The following DNAH11 variants were observed in gnomAD, a reference collection of about 807,000 sequenced individuals.
The protein encoded by DNAH11 is axonemal beta dynein heavy chain 11.
DNAH11 carries 442 observed loss-of-function variants against 526.0 expected under a neutral mutation model. The observed-to-expected ratio is 0.84, with a 90% confidence interval of 0.78 to 0.91. DNAH11 has a LOEUF of 0.91. Ranked by LOEUF, DNAH11 falls within the 40% of genes least tolerant of loss-of-function variation. The probability of loss-of-function intolerance (pLI) is 0.00; values close to 1 mark genes in which losing one functional copy is unlikely to be tolerated. For synonymous variants in DNAH11, 2,461 were observed against 1,935.9 expected (o/e 1.27, Z -7.12); for missense variants, 6,989 against 5,448.7 (o/e 1.28, Z -8.90).
Position 21,563,456 on chromosome 7 carries a change from G to A in DNAH11, c.983-730G>A, listed in dbSNP as rs534983210. Among the ~76,000 whole-genome samples the A allele has an allele frequency of 1.0e-3, 159 of 152,066 alleles. 1 individual carries two copies. Among genetic ancestry groups the A allele is most frequent in the South Asian group, 9.2e-3 (44 of 4,804 alleles). ...ATTCCTAGACTCAACTAATCCTTCC[G>A]AAGTGCTGGGATTACAAACATGAAC... is the stretch of plus-strand genomic sequence containing the variant. On this transcript the variant is annotated intron_variant, in intron 5 of 81. Coordinates refer to ENST00000409508, the MANE Select transcript of DNAH11 (RefSeq NM_001277115.2).
chr7:21,729,089 G>A (rs779503803), intron 45 of DNAH11, among the ~76,000 whole-genome samples: 8 of 152,184 alleles, frequency 5.3e-5, no homozygotes, highest in Non-Finnish European at 8.8e-5. Context: ...TGTACCTTTC[G>A]GGCCGGCCAG....
At chr7:21,854,491 T>C (rs187974158) in intron 68 of DNAH11, 36 bp downstream of exon 68, 21 of 1,591,704 alleles carry the variant, frequency 1.3e-5, no homozygotes, top group African/African-American at 6.8e-5. Flanking sequence ...TGGGAAACTT[T>C]AGGAGTTCAA....
rs144458897 is a variant in DNAH11, at chr7:21,663,928, C to G, written c.5328+4897C>G. Among the ~76,000 whole-genome samples the G allele has an allele frequency of 4.6e-3, 697 of 152,060 alleles. 7 individuals carry two copies. Among genetic ancestry groups the G allele is most frequent in the African/African-American group, 0.016 (667 of 41,494 alleles). On this transcript the variant is annotated intron_variant, in intron 30 of 81. Coordinates refer to ENST00000409508, the MANE Select transcript of DNAH11 (RefSeq NM_001277115.2). ...TCTTCAACGTACTGATTTCAGTTCT[C>G]TGGTATATATCTCCATTAGTCAGAT...
chr7:21,799,572 G>A (rs1392524976), intron 61 of DNAH11, among the ~76,000 whole-genome samples: 2 of 152,000 alleles, frequency 1.3e-5, no homozygotes, highest in Non-Finnish European at 2.9e-5. Flanking sequence ...TCCTGACCTC[G>A]TGATCTGCCT....
At position 21,615,228 on chromosome 7, in the gene DNAH11, A is replaced by G; in HGVS notation, c.3967A>G (p.Ile1323Val). The G allele has an allele frequency of 6.2e-7, 1 of 1,613,612 alleles. No individual in the cohort carries two copies. Among genetic ancestry groups the G allele is most frequent in the Non-Finnish European group, 8.5e-7 (1 of 1,179,650 alleles). Residue 1323 changes from isoleucine to valine, a missense_variant, in exon 21 of 82, where the codon ATA (isoleucine) becomes GTA (valine). Coordinates refer to ENST00000409508, the MANE Select transcript of DNAH11 (RefSeq NM_001277115.2). ...ACAAATGAAACAGTGTCGCAAAGAA[A>G]TAAAATTGCTCAAGGGACTGTGGGA... ...YKQMKQCRKE[I>V]KLLKGLWDVI...
At chr7:21,899,708 A>G (rs1784677557) in intron 80 of DNAH11, among the ~76,000 whole-genome samples, 1 of 152,158 alleles carries the variant, frequency 6.6e-6, no homozygotes, top group Admixed American at 6.5e-5. Flanking sequence ...CATTTTCTGG[A>G]AAGGGCCACA....
At chr7:21,713,073 T>A (rs918626321) in intron 42 of DNAH11, among the ~76,000 whole-genome samples, 2 of 152,238 alleles carry the variant, frequency 1.3e-5, no homozygotes, top group African/African-American at 4.8e-5. Context: ...AGAGCAACTT[T>A]ATGGTGCCCA....
intron 55 of DNAH11, among the ~76,000 whole-genome samples, chr7:21,766,325 C>T (rs1787183761): frequency 6.6e-6 from 1 of 152,164 alleles, no homozygotes; most frequent in African/African-American, 2.4e-5. Context: ...ATGTCTAGTG[C>T]CTTTCTGATT....
intron 30 of DNAH11, among the ~76,000 whole-genome samples, chr7:21,678,644 G>A (rs1783006985): frequency 6.6e-6 from 1 of 151,798 alleles, no homozygotes; most frequent in Non-Finnish European, 1.5e-5. Context: ...AGAGAACTCT[G>A]GGCAGTACAG....
At chr7:21,606,807 C>G in intron 20 of DNAH11, 74 bp downstream of exon 20, 6 of 1,252,594 alleles carry the variant, frequency 4.8e-6, no homozygotes, top group South Asian at 1.3e-5. Context: ...ACACAAAATA[C>G]TGCCACATTT....
intron 28 of DNAH11, among the ~76,000 whole-genome samples, chr7:21,641,805 T>C (rs1423110445): frequency 1.3e-5 from 2 of 152,246 alleles, no homozygotes; most frequent in Admixed American, 1.3e-4. Flanking sequence ...ACCCCATTCA[T>C]AGCATTTTAA....
At chr7:21,765,055 G>A (rs1306216318) in intron 54 of DNAH11, among the ~76,000 whole-genome samples, 1 of 152,158 alleles carries the variant, frequency 6.6e-6, no homozygotes, top group Admixed American at 6.5e-5. Flanking sequence ...GGAAGAAACA[G>A]AAGATGAAAA....
chr7:21,617,120 C>T (rs955916837), intron 22 of DNAH11, among the ~76,000 whole-genome samples: 1 of 152,086 alleles, frequency 6.6e-6, no homozygotes, highest in Non-Finnish European at 1.5e-5. Flanking sequence ...TGATGTTTTT[C>T]CTTGGGCTGA....
At chr7:21,558,490 C>T (rs1437654854) in intron 2 of DNAH11, among the ~76,000 whole-genome samples, 1 of 152,188 alleles carries the variant, frequency 6.6e-6, no homozygotes, top group Non-Finnish European at 1.5e-5. Flanking sequence ...GCTCAGTTTG[C>T]ATCATGAGGG....
chr7:21,865,809 T>C (rs1357950147), intron 70 of DNAH11, among the ~76,000 whole-genome samples: 1 of 152,230 alleles, frequency 6.6e-6, no homozygotes, highest in African/African-American at 2.4e-5. Flanking sequence ...CCCTGAGGGC[T>C]GCTGGTTGCC....
At chr7:21,802,883 T>C (rs1789057320) in intron 62 of DNAH11, among the ~76,000 whole-genome samples, 1 of 151,602 alleles carries the variant, frequency 6.6e-6, no homozygotes, top group South Asian at 2.1e-4. Flanking sequence ...ATGGTTTCTC[T>C]TTGGGGTGAG....
At chr7:21,736,966 A>G (rs1440784400) in intron 46 of DNAH11, among the ~76,000 whole-genome samples, 1 of 152,268 alleles carries the variant, frequency 6.6e-6, no homozygotes, top group Non-Finnish European at 1.5e-5. Flanking sequence ...AGATTAAGCT[A>G]CAGTTCAGTA....
At position 21,880,620 on chromosome 7, in the gene DNAH11, T is replaced by G. The variant is rs565362456; in HGVS notation, c.12196-82T>G. 26 of 1,470,262 alleles carry G rather than the reference T, an allele frequency of 1.8e-5. No individual in the cohort carries two copies. In the South Asian group the frequency reaches 3.1e-4, roughly 18 times the overall value. The allele number at this position is 1,470,262 out of a possible 1,614,324, so 91.1% of individuals were successfully genotyped here. ...GTAGTATCTCACTCTCAAAGTTCTT[T>G]ACAAGATTATTGAAAACGCAGACCC... On this transcript the variant is annotated intron_variant, in intron 74 of 81. Coordinates refer to ENST00000409508, the MANE Select transcript of DNAH11 (RefSeq NM_001277115.2).
At chr7:21,719,868 T>C (rs375486313) in intron 43 of DNAH11, among the ~76,000 whole-genome samples, 52 of 152,328 alleles carry the variant, frequency 3.4e-4, no homozygotes, top group African/African-American at 1.2e-3. Context: ...TCTTGAGTTT[T>C]TAGGATCTGT....
Sources: allele counts gnomAD v4.1 joint callset (sites outside exome capture counted in the v4.1 genomes callset), GRCh38; gene constraint gnomAD v4.1.1; transcripts MANE v1.5; gene names NCBI Gene and HGNC (gene_info 2026-07-23, HGNC 2026-07-21).